The following ZKSCAN4 variants were observed in gnomAD, a reference collection of about 807,000 sequenced individuals.
The protein encoded by ZKSCAN4 is zinc finger with KRAB and SCAN domains 4.
In ZKSCAN4, 23 loss-of-function variants were observed where a neutral mutation model predicts 30.8. That is an observed-to-expected ratio of 0.75 (90% CI 0.54 to 1.06). The LOEUF (loss-of-function observed/expected upper bound fraction) is 1.06. ZKSCAN4 is among the 50% of genes least tolerant of loss of function. The pLI, the probability that ZKSCAN4 is intolerant of heterozygous loss-of-function variation, is 0.00. For missense variants in ZKSCAN4, 556 were observed against 665.4 expected (o/e 0.84, Z 1.81); for synonymous variants, 208 against 252.5 (o/e 0.82, Z 1.67).
At chr6:28,257,254 G>A (rs1287834660), upstream of ZKSCAN4, among the ~76,000 whole-genome samples, 1 of 152,112 alleles carries the variant, frequency 6.6e-6, no homozygotes, top group Non-Finnish European at 1.5e-5. Context: ...GCACATGGAT[G>A]AAGCTAGAAG....
upstream of ZKSCAN4, among the ~76,000 whole-genome samples, chr6:28,253,492 C>T (rs975947329): frequency 3.3e-5 from 5 of 152,202 alleles, no homozygotes; most frequent in Admixed American, 6.5e-5. The surrounding 1 kb of genome is among the most constrained non-coding windows in gnomAD (Gnocchi z 4.2). Context: ...GTAGGGGGCA[C>T]TGCCCATGAA....
rs1049373272 is a variant in ZKSCAN4, at chr6:28,245,320, C to A, written c.1434G>T (p.Trp478Cys). The change falls in exon 5 of 5, where the codon TGG (tryptophan) becomes TGT (cysteine). Residue 478 changes from tryptophan (W) to cysteine (C), a missense_variant. By Grantham distance (215) the Trp-to-Cys change is radical. Around this residue, in one of 3 missense-constraint regions of ZKSCAN4, gnomAD observed 433 missense variants for 511.5 expected, o/e 0.85. Coordinates refer to ENST00000377294, the MANE Select transcript of ZKSCAN4 (RefSeq NM_019110.5). ...WESQGRTESQ[W>C]ENTEAPVSYK... is the part of the protein sequence containing the mutation. ...AAGACACGGGAGCCTCAGTATTTTC[C>A]CACTGGCTTTCCGTCCTACCCTGAC... The A allele has an allele frequency of 1.2e-6, 2 of 1,614,108 alleles. No individual in the cohort carries two copies. Among genetic ancestry groups the A allele is most frequent in the Non-Finnish European group, 1.7e-6 (2 of 1,180,010 alleles).
In ZKSCAN4 at chr6:28,248,117, A is replaced by G; in HGVS notation, c.604T>C (p.Cys202Arg). ...LQVPGLAQGGCCREDAMVASR... is the reference protein window; with the variant it reads ...LQVPGLAQGGRCREDAMVASR... ...GCTACCATTGCATCTTCTCTGCAGC[A>G]CCCTCCCTGGGCAAGCCCAGGAACC... The change falls in exon 3 of 5, where the codon TGC (cysteine) becomes CGC (arginine). Residue 202 changes from cysteine (C) to arginine (R), a missense_variant. Coordinates refer to ENST00000377294, the MANE Select transcript of ZKSCAN4 (RefSeq NM_019110.5). 2 of 1,613,638 alleles carry G rather than the reference A, an allele frequency of 1.2e-6. No homozygotes were observed. Among genetic ancestry groups the G allele is most frequent in the Non-Finnish European group, 1.7e-6 (2 of 1,179,804 alleles).
Position 28,245,869 on chromosome 6 carries a change from A to G in ZKSCAN4, c.885T>C (p.Pro295=). ...CCTGTTCACCAGCTTCTGCATGTGTAGGAATCTGGGCAATGTCTTCCCTCA... is the reference window on the plus strand; with the variant it reads ...CCTGTTCACCAGCTTCTGCATGTGTGGGAATCTGGGCAATGTCTTCCCTCA... ...CHLREDIAQI[P]THAEAGEQEG... Residue 295 remains proline, a synonymous_variant, in exon 5 of 5, where the codon CCT becomes CCC. Transcript: ENST00000377294. The G allele has an allele frequency of 6.2e-7, 1 of 1,614,200 alleles. No homozygotes were observed. Among genetic ancestry groups the G allele is most frequent in the Non-Finnish European group, 8.5e-7 (1 of 1,180,046 alleles).
In ZKSCAN4 at chr6:28,251,363, C is replaced by G; in HGVS notation, c.423+195G>C. 1 of 837,204 alleles carries G rather than the reference C, an allele frequency of 1.2e-6. No individual in the cohort carries two copies. Among genetic ancestry groups the G allele is most frequent in the Non-Finnish European group, 1.9e-6 (1 of 532,118 alleles). The allele number at this position is 837,204 out of a possible 1,614,324, so 51.9% of individuals were successfully genotyped here. A position where few individuals can be genotyped will look rare whatever the true frequency, so the allele number is the denominator to read the frequency against. On this transcript the variant is annotated intron_variant, in intron 1 of 4. Coordinates refer to ENST00000377294, the MANE Select transcript of ZKSCAN4 (RefSeq NM_019110.5). The surrounding 1 kb of genome is among the most constrained non-coding windows in gnomAD (Gnocchi z 4.5). ...AATATAGTTGTGTTCTTTTGTAATC[C>G]TTTATAGTTTCTTTATATATTTAAA...
At chr6:28,256,221 A>G (rs150758344), upstream of ZKSCAN4, among the ~76,000 whole-genome samples, 7 of 152,290 alleles carry the variant, frequency 4.6e-5, no homozygotes, top group Admixed American at 1.3e-4. Flanking sequence ...CAGGAGTTCA[A>G]GACCAGCCTG....
the ZKSCAN4 span, among the ~76,000 whole-genome samples, chr6:28,259,145 A>T: frequency 6.6e-6 from 1 of 152,224 alleles, no homozygotes; most frequent in African/African-American, 2.4e-5. Context: ...GTTGGGGAAT[A>T]TAAGTCCTAA....
chr6:28,256,070 A>G (rs1050905271), upstream of ZKSCAN4, among the ~76,000 whole-genome samples: 1 of 152,206 alleles, frequency 6.6e-6, no homozygotes, highest in African/African-American at 2.4e-5. Flanking sequence ...CAACTAGTGA[A>G]TCTAGGTAAA....
In ZKSCAN4 at chr6:28,245,568, T is replaced by G. The variant is rs1278408058; in HGVS notation, c.1186A>C (p.Arg396=). 1.2e-6 allele frequency: 2 copies of G among 1,614,234 alleles called. No individual in the cohort carries two copies. Among genetic ancestry groups the G allele is most frequent in the Non-Finnish European group, 1.7e-6 (2 of 1,180,034 alleles). ...TAGGGCTTCTCCCCAGTGTGGGTTCTCTGGTGTTTGATAAGGTTTGAGCTG... is the reference window on the plus strand; with the variant it reads ...TAGGGCTTCTCCCCAGTGTGGGTTCGCTGGTGTTTGATAAGGTTTGAGCTG... ...SHSSNLIKHQ[R]THTGEKPYEC... The change falls in exon 5 of 5, where the codon AGA becomes CGA. Residue 396 remains arginine, a synonymous_variant. Transcript: ENST00000377294.
chr6:28,246,447 A>C (rs1028768687), intron 4 of ZKSCAN4, among the ~76,000 whole-genome samples: 25 of 152,100 alleles, frequency 1.6e-4, no homozygotes, highest in African/African-American at 5.3e-4. Context: ...GGCAGAGGCA[A>C]AGTTCTCAAA....
rs1760886660 is a variant in ZKSCAN4, at chr6:28,249,304, A to T, written c.571+383T>A. On this transcript the variant is annotated intron_variant, in intron 2 of 4. Coordinates refer to ENST00000377294, the MANE Select transcript of ZKSCAN4 (RefSeq NM_019110.5). This position sits in a 1 kb window ranked among gnomAD's most constrained non-coding sequence, Gnocchi z 4.1. ...TAACAATATCTAAAATTATATTATT[A>T]ATTTATTTTCTATCCTCCCTGCTAG... is the stretch of plus-strand genomic sequence containing the variant. 6.6e-6 allele frequency among the ~76,000 whole-genome samples: 1 copy of T among 152,196 alleles called. No individual in the cohort carries two copies. Among genetic ancestry groups the T allele is most frequent in the Non-Finnish European group, 1.5e-5 (1 of 68,034 alleles).
chr6:28,252,957 C>G (rs1042979385), upstream of ZKSCAN4, among the ~76,000 whole-genome samples: 26 of 152,180 alleles, frequency 1.7e-4, no homozygotes, highest in African/African-American at 5.6e-4. Flanking sequence ...CAGTCAAGCA[C>G]AGTGGCTAGA....
rs975994101 is a variant in ZKSCAN4, at chr6:28,242,564, A to T, written c.*2552T>A. On this transcript the variant is annotated 3_prime_UTR_variant, in exon 5 of 5. Transcript: ENST00000377294. The stretch of plus-strand genomic sequence containing the variant: ...TACTCAATTGGACAAAGTTGTTGTG[A>T]GTCCATTCAGCTTTCTAACATGTCA... Among the ~76,000 whole-genome samples, 3 of 152,208 alleles carry T rather than the reference A, an allele frequency of 2.0e-5. No homozygotes were observed. The highest frequency in any genetic ancestry group is 7.2e-5 in the African/African-American group (3 of 41,462).
At position 28,244,630 on chromosome 6, in the gene ZKSCAN4, T is replaced by C. The variant is rs1760623166; in HGVS notation, c.*486A>G. ...AGAAATATAGACAACATCAAATTTT[T>C]GGTACAAAGGCCATTTTACTGGTAC... On this transcript the variant is annotated 3_prime_UTR_variant, in exon 5 of 5. Coordinates refer to ENST00000377294, the MANE Select transcript of ZKSCAN4 (RefSeq NM_019110.5). 1.8e-5 allele frequency: 3 copies of C among 171,296 alleles called. No homozygotes were observed. Among genetic ancestry groups the C allele is most frequent in the African/African-American group, 7.2e-5 (3 of 41,704 alleles). The allele number at this position is 171,296 out of a possible 1,614,324, so 10.6% of individuals were successfully genotyped here. A position where few individuals can be genotyped will look rare whatever the true frequency, so the allele number is the denominator to read the frequency against.
chr6:28,258,077 T>G, the ZKSCAN4 span, among the ~76,000 whole-genome samples: 3 of 152,208 alleles, frequency 2.0e-5, no homozygotes, highest in Non-Finnish European at 4.4e-5. Context: ...ATGGAACCAA[T>G]TCTTATCCCC....
At chr6:28,256,274 C>A (rs1037784438), upstream of ZKSCAN4, among the ~76,000 whole-genome samples, 4 of 151,816 alleles carry the variant, frequency 2.6e-5, no homozygotes, top group Non-Finnish European at 5.9e-5. Context: ...TACAAAAAAT[C>A]AAAAATCAGT....
chr6:28,245,305 A>T lies in ZKSCAN4; in HGVS notation c.1449T>A (p.Ala483=), dbSNP rs1334601338. The change falls in exon 5 of 5, where the codon GCT becomes GCA. Residue 483 remains alanine (A), a synonymous_variant. Transcript: ENST00000377294. ...RTESQWENTE[A]PVSYKCNECE... is the part of the protein sequence containing the mutation. Reference sequence around the variant, plus strand: ...ACTCATTACATTTATAAGACACGGGAGCCTCAGTATTTTCCCACTGGCTTT... The same window carrying T: ...ACTCATTACATTTATAAGACACGGGTGCCTCAGTATTTTCCCACTGGCTTT... The T allele has an allele frequency of 3.1e-6, 5 of 1,613,822 alleles. No homozygotes were observed. The highest frequency in any genetic ancestry group is 4.2e-6 in the Non-Finnish European group (5 of 1,179,974).
Position 28,244,894 on chromosome 6 carries a change from TC to T in ZKSCAN4, c.*221del. ...ACAAACTATTTTAGGTCCTACAACT[TC>T]CAGACCACTCTCCCATGGCCTCTTA... On this transcript the variant is annotated 3_prime_UTR_variant, in exon 5 of 5. Transcript: ENST00000377294. 1.6e-6 allele frequency: 1 copy of T among 638,806 alleles called. No individual in the cohort carries two copies. 39.6% of individuals were successfully genotyped at this position (638,806 alleles called of 1,614,324 possible). A position where few individuals can be genotyped will look rare whatever the true frequency, so the allele number is the denominator to read the frequency against.
At chr6:28,256,390 C>T (rs895704589), upstream of ZKSCAN4, among the ~76,000 whole-genome samples, 1 of 152,086 alleles carries the variant, frequency 6.6e-6, no homozygotes, top group African/African-American at 2.4e-5. Context: ...ATGATAGTAC[C>T]ACTCCACTCT....
Sources: gnomAD v4.1 joint callset for allele counts (sites outside exome capture counted in the v4.1 genomes callset) on GRCh38, gnomAD v4.1.1 for gene constraint, gnomAD v4.1.1 regional missense constraint, Gnocchi (gnomAD v3.1) non-coding constraint, MANE v1.5 for transcripts, NCBI Gene and HGNC (gene_info 2026-07-23, HGNC 2026-07-21) for gene names.